Variants in HPSE observed in about 807,000 individuals in gnomAD.
HPSE encodes the protein heparanase, also known as endo-glucoronidase.
In HPSE, 48 loss-of-function variants were observed where a neutral mutation model predicts 65.1. The observed-to-expected ratio is 0.74, with a 90% CI of 0.58 to 0.94. The LOEUF (loss-of-function observed/expected upper bound fraction) is 0.94, where lower values mean the gene tolerates loss of function less well. HPSE is among the 40% of genes least tolerant of loss of function. The pLI is 0.00. For missense variants in HPSE, 644 were observed against 637.5 expected (o/e 1.01, Z -0.11); for synonymous variants, 243 against 260.0 (o/e 0.93, Z 0.63).
chr4:83,334,950 A>G, upstream of HPSE: 2 of 1,124,140 alleles, frequency 1.8e-6, no homozygotes, highest in South Asian at 1.7e-5. Context: ...CCTCTTCTGC[A>G]TCCCTCCCAC....
chr4:83,320,565 CAAAA>C (rs904935247), intron 2 of HPSE, among the ~76,000 whole-genome samples: 2 of 123,070 alleles, frequency 1.6e-5, no homozygotes. Context: ...GACCCTGTCT[CAAAA>C]AAAAAAAAAA....
intron 3 of HPSE, among the ~76,000 whole-genome samples, chr4:83,318,029 A>G (rs1736721916): frequency 6.6e-6 from 1 of 152,224 alleles, no homozygotes; most frequent in Admixed American, 6.5e-5. Context: ...TTTCTTATGG[A>G]ACACATTTTT....
intron 1 of HPSE, among the ~76,000 whole-genome samples, chr4:83,331,613 T>G (rs1188192095): frequency 3.3e-5 from 5 of 152,208 alleles, no homozygotes; most frequent in Admixed American, 6.5e-5. Context: ...TTCTTTCAAA[T>G]TTTAGATTGC....
chr4:83,322,637 T>C (rs1432822194), intron 1 of HPSE, among the ~76,000 whole-genome samples: 1 of 151,802 alleles, frequency 6.6e-6, no homozygotes, highest in Non-Finnish European at 1.5e-5. Flanking sequence ...TTACAGGCAG[T>C]ATTGTTTAAT....
chr4:83,321,708 C>T (rs1274325167), intron 2 of HPSE, among the ~76,000 whole-genome samples: 1 of 152,176 alleles, frequency 6.6e-6, no homozygotes, highest in African/African-American at 2.4e-5. Flanking sequence ...GCAGGTTTCT[C>T]AGGTGAAGGC....
At position 83,313,206 on chromosome 4, in the gene HPSE, G is replaced by C; in HGVS notation, c.581C>G (p.Thr194Arg). The change falls in exon 4 of 12, where the codon ACA becomes AGA. Residue 194 changes from threonine to arginine, a missense_variant. Physicochemically the swap from Thr to Arg is moderately conservative, Grantham distance 71 (BLOSUM62 -1). Coordinates refer to ENST00000311412, the MANE Select transcript of HPSE (RefSeq NM_001098540.3). ...AGAACTGTTCCACTGCAAATCTGCT[G>C]TTCTTAATAACGCATTTAGGCCAAA... is the stretch of plus-strand genomic sequence containing the variant. ...LIFGLNALLRTADLQWNSSNA... is the reference protein window; with the variant it reads ...LIFGLNALLRRADLQWNSSNA... The C allele has an allele frequency of 1.2e-6, 2 of 1,613,770 alleles. No individual in the cohort carries two copies. Among genetic ancestry groups the C allele is most frequent in the Non-Finnish European group, 1.7e-6 (2 of 1,179,786 alleles).
At chr4:83,325,589 G>A (rs983552962) in intron 1 of HPSE, among the ~76,000 whole-genome samples, 1 of 152,224 alleles carries the variant, frequency 6.6e-6, no homozygotes. Context: ...AGTTGCTGGA[G>A]ATGAATGGTG....
At chr4:83,334,412 A>AGGC in intron 1 of HPSE, 144 bp downstream of exon 1, 1 of 890,826 alleles carries the variant, frequency 1.1e-6, no homozygotes, top group Non-Finnish European at 1.7e-6. Context: ...GGAGAATGAG[A>AGGC]GGCGGGAAGT....
chr4:83,303,653 G>T (rs981932170), intron 9 of HPSE, among the ~76,000 whole-genome samples: 1 of 152,274 alleles, frequency 6.6e-6, no homozygotes, highest in African/African-American at 2.4e-5. Context: ...GGGCTAAAGC[G>T]ATCCTCCTGC....
At chr4:83,318,508 C>A (rs1034815202) in intron 3 of HPSE, among the ~76,000 whole-genome samples, 4 of 151,978 alleles carry the variant, frequency 2.6e-5, no homozygotes, top group Non-Finnish European at 4.4e-5. Flanking sequence ...ATGGTAGGCA[C>A]CTGTAATCTC....
intron 2 of HPSE, among the ~76,000 whole-genome samples, chr4:83,321,146 C>T (rs1235439547): frequency 6.6e-6 from 1 of 152,056 alleles, no homozygotes; most frequent in Non-Finnish European, 1.5e-5. Context: ...TGCAGTGGGC[C>T]ATGCTTGTGC....
chr4:83,323,524 C>T (rs1259478859), intron 1 of HPSE, among the ~76,000 whole-genome samples: 4 of 152,042 alleles, frequency 2.6e-5, no homozygotes, highest in African/African-American at 9.7e-5. Context: ...CACACACACA[C>T]ACACACAATT....
Position 83,309,643 on chromosome 4 carries a change from G to A in HPSE, c.891-148C>T, listed in dbSNP as rs140990614. 3.0e-5 allele frequency: 19 copies of A among 629,268 alleles called. No homozygotes were observed. In the African/African-American group the frequency reaches 3.4e-4, roughly 11 times the overall value. The allele number at this position is 629,268 out of a possible 1,614,324, so 39.0% of individuals were successfully genotyped here. On this transcript the variant is annotated intron_variant, in intron 6 of 11. Transcript: ENST00000311412. The stretch of plus-strand genomic sequence containing the variant: ...AGTTCTACTAGGGAAAGACCAAGAT[G>A]GAAGGGAGTTATGAGGAGGAGTCCA...
At chr4:83,331,126 C>G (rs1463864265) in intron 1 of HPSE, among the ~76,000 whole-genome samples, 1 of 152,010 alleles carries the variant, frequency 6.6e-6, no homozygotes, top group Non-Finnish European at 1.5e-5. Context: ...ATAACTTGAA[C>G]CCGGGAGGCG....
intron 11 of HPSE, among the ~76,000 whole-genome samples, chr4:83,297,882 C>A (rs1054596202): frequency 1.3e-5 from 2 of 152,148 alleles, no homozygotes; most frequent in East Asian, 3.9e-4. Context: ...AGAGCCTGTT[C>A]TGCATGAAAT....
chr4:83,307,123 T>G (rs1208423353), intron 8 of HPSE, among the ~76,000 whole-genome samples: 3 of 152,232 alleles, frequency 2.0e-5, no homozygotes, highest in Non-Finnish European at 4.4e-5. Flanking sequence ...TTAAAAGCTC[T>G]GATCCTCGAA....
intron 11 of HPSE, 70 bp from the exon 12 acceptor site, chr4:83,295,573 T>G: frequency 1.5e-6 from 2 of 1,315,954 alleles, no homozygotes; most frequent in Non-Finnish European, 2.0e-6. Context: ...ACAAAAGTCA[T>G]GAAATCTTTT....
chr4:83,323,309 G>A (rs745939748), intron 1 of HPSE, among the ~76,000 whole-genome samples: 2 of 152,102 alleles, frequency 1.3e-5, no homozygotes, highest in Non-Finnish European at 2.9e-5. Context: ...GAACCCTGCC[G>A]TGAACTATGG....
intron 9 of HPSE, among the ~76,000 whole-genome samples, 154 bp from the exon 10 acceptor site, chr4:83,302,422 C>A (rs4426765): frequency 0.66 from 99,551 of 149,886 alleles, 35,170 homozygotes; most frequent in Non-Finnish European, 0.78. Flanking sequence ...TTTTTTTTTC[C>A]CCTCACATGT....
Sources: allele counts gnomAD v4.1 joint callset (sites outside exome capture counted in the v4.1 genomes callset), GRCh38; gene constraint gnomAD v4.1.1; transcripts MANE v1.5; gene names NCBI Gene and HGNC (gene_info 2026-07-23, HGNC 2026-07-21).